Variants in RPS6KA6 observed in about 807,000 individuals in gnomAD.
RPS6KA6 encodes ribosomal protein S6 kinase alpha-6.
A neutral mutation model predicts 65.4 loss-of-function variants in RPS6KA6; 27 were observed. The ratio of observed to expected loss-of-function variants is 0.41; its 90% CI spans 0.30 to 0.57. The LOEUF is 0.57. Among genes scored for constraint, RPS6KA6 ranks in the 20% least tolerant of loss-of-function variants. The pLI is 0.24. For missense variants in RPS6KA6, 486 were observed against 555.6 expected (o/e 0.87, Z 1.26); for synonymous variants, 190 against 184.2 (o/e 1.03, Z -0.26).
In RPS6KA6 at chrX:84,106,957, ATTC is replaced by A. The variant is rs759696875; in HGVS notation, c.1192_1194del (p.Glu398del). The A allele has an allele frequency of 9.0e-5, 108 of 1,193,447 alleles. No individual in the cohort carries two copies. Among genetic ancestry groups the A allele is most frequent in the Non-Finnish European group, 1.2e-4 (104 of 882,048 alleles). ...GCACTTGTGATAGGAGTGATTTTAT[ATTC>A]TTCTGCAATAGAAGTTGCAACAAAG... On this transcript the variant is annotated inframe_deletion, in exon 14 of 22. Transcript: ENST00000262752.
At chrX:84,065,245 A>C in intron 20 of RPS6KA6, 134 bp from the exon 21 acceptor site, 1 of 407,736 alleles carries the variant, frequency 2.5e-6, no homozygotes, top group Non-Finnish European at 4.2e-6. Flanking sequence ...AGTAAAATCT[A>C]TACTCTACAC....
At chrX:84,165,515 G>C (rs1270489886) in intron 1 of RPS6KA6, among the ~76,000 whole-genome samples, 1 of 111,344 alleles carries the variant, frequency 9.0e-6, no homozygotes, top group Non-Finnish European at 1.9e-5. Context: ...GAGCAGAGGA[G>C]AGAATGAGTC....
At chrX:84,133,068 C>T (rs1252097993) in intron 8 of RPS6KA6, among the ~76,000 whole-genome samples, 5 of 112,120 alleles carry the variant, frequency 4.5e-5, no homozygotes, top group Non-Finnish European at 7.5e-5. Flanking sequence ...TAAAAGAACT[C>T]TTAAACCCAT....
rs1240585096 is a variant in RPS6KA6, at chrX:84,107,335, A to G, written c.1111+288T>C. Among the ~76,000 whole-genome samples the G allele has an allele frequency of 9.0e-5, 10 of 111,420 alleles. No individual in the cohort carries two copies. The Admixed American group carries it at 9.6e-4, about 11-fold the overall frequency. On this transcript the variant is annotated intron_variant, in intron 13 of 21. Transcript: ENST00000262752. The stretch of plus-strand genomic sequence containing the variant: ...GACAGAGTAATATATCTCACGTCTT[A>G]CCTCCTACCCCATCCTGTAAATCAT...
intron 1 of RPS6KA6, among the ~76,000 whole-genome samples, chrX:84,179,637 A>AATT (rs1476371582): frequency 1.3e-4 from 14 of 111,931 alleles, no homozygotes; most frequent in Non-Finnish European, 2.3e-4. Context: ...GACCTCCCTT[A>AATT]AGAGATTCTA....
intron 1 of RPS6KA6, among the ~76,000 whole-genome samples, chrX:84,175,995 T>A (rs1288238900): frequency 8.9e-6 from 1 of 112,056 alleles, no homozygotes; most frequent in Non-Finnish European, 1.9e-5. Context: ...AAAGGACTAG[T>A]AGTTGTACTA....
chrX:84,061,867 A>T lies in RPS6KA6; in HGVS notation c.*2410T>A, dbSNP rs2033307012. 9.0e-6 allele frequency: 1 copy of T among 111,728 alleles called. No individual in the cohort carries two copies. The highest frequency in any genetic ancestry group is 9.5e-5 in the Admixed American group (1 of 10,541). The allele number at this position is 111,728 out of a possible 1,213,427, so 9.2% of individuals were successfully genotyped here. A position where few individuals can be genotyped will look rare whatever the true frequency, so the allele number is the denominator to read the frequency against. On this transcript the variant is annotated 3_prime_UTR_variant, in exon 22 of 22. Coordinates refer to ENST00000262752, the MANE Select transcript of RPS6KA6 (RefSeq NM_014496.5). The stretch of plus-strand genomic sequence containing the variant: ...TAGAAGTCCCATCAAAAAAATGTTC[A>T]ATCCAAATCTGCATTTTTGGCTATG...
At chrX:84,116,921 TTGTC>T (rs2147464932) in intron 11 of RPS6KA6, 135 bp downstream of exon 11, 3 of 399,450 alleles carry the variant, frequency 7.5e-6, no homozygotes, top group Non-Finnish European at 1.3e-5. Context: ...AGAGTTTACT[TTGTC>T]TGAAATGCAC....
At chrX:84,143,368 G>C (rs906023151) in intron 6 of RPS6KA6, among the ~76,000 whole-genome samples, 1 of 110,842 alleles carries the variant, frequency 9.0e-6, no homozygotes, top group African/African-American at 3.3e-5. Context: ...TAGACTGTGG[G>C]AAACAAGCTC....
At chrX:84,077,554 AT>A (rs2033687889) in intron 20 of RPS6KA6, among the ~76,000 whole-genome samples, 1 of 111,940 alleles carries the variant, frequency 8.9e-6, no homozygotes, top group Non-Finnish European at 1.9e-5. Context: ...GCATATTCAC[AT>A]GTAAAAATGA....
chrX:84,078,223 A>G (rs751030477), intron 20 of RPS6KA6, among the ~76,000 whole-genome samples: 1 of 112,414 alleles, frequency 8.9e-6, no homozygotes, highest in Non-Finnish European at 1.9e-5. Context: ...ATTAGTCACT[A>G]GGGAAATGCG....
At position 84,060,523 on chromosome X, in the gene RPS6KA6, G is replaced by A. The variant is rs1262646910; in HGVS notation, c.*3754C>T. The A allele has an allele frequency of 2.8e-5, 3 of 108,735 alleles. No individual in the cohort carries two copies. Among genetic ancestry groups the A allele is most frequent in the African/African-American group, 1.0e-4 (3 of 29,833 alleles). 9.0% of individuals were successfully genotyped at this position (108,735 alleles called of 1,213,427 possible). A position where few individuals can be genotyped will look rare whatever the true frequency, so the allele number is the denominator to read the frequency against. Reference sequence around the variant, plus strand: ...TCTTATGCTATATAGGTCATGTACTGTGAGAAACAAGAATACAAAACTATG... The same window carrying A: ...TCTTATGCTATATAGGTCATGTACTATGAGAAACAAGAATACAAAACTATG... On this transcript the variant is annotated 3_prime_UTR_variant, in exon 22 of 22. Coordinates refer to ENST00000262752, the MANE Select transcript of RPS6KA6 (RefSeq NM_014496.5).
rs767656624 is a variant in RPS6KA6 at position 84,144,909 on chromosome X, C to CA, written c.501+568dup. 1.5e-3 allele frequency among the ~76,000 whole-genome samples: 168 copies of CA among 109,418 alleles called. 1 individual carries two copies. Among genetic ancestry groups the CA allele is most frequent in the African/African-American group, 5.0e-3 (153 of 30,315 alleles). On this transcript the variant is annotated intron_variant, in intron 6 of 21. Transcript: ENST00000262752. ...CTCAAAGTACTTATGTTAAGCCAGA[C>CA]AAAAAAAATGAATATACTATATGAT...
At chrX:84,177,113 T>C (rs1247936021) in intron 1 of RPS6KA6, among the ~76,000 whole-genome samples, 1 of 111,473 alleles carries the variant, frequency 9.0e-6, no homozygotes, top group Non-Finnish European at 1.9e-5. Context: ...ATAAAATGTT[T>C]CAAAATTCAA....
At chrX:84,137,305 A>G (rs1480268466) in intron 6 of RPS6KA6, among the ~76,000 whole-genome samples, 1 of 111,790 alleles carries the variant, frequency 8.9e-6, no homozygotes, top group African/African-American at 3.2e-5. Context: ...ATAGTTTTCA[A>G]TAGCTGCACA....
chrX:84,100,776 T>G (rs2034244492), intron 18 of RPS6KA6, among the ~76,000 whole-genome samples: 1 of 110,949 alleles, frequency 9.0e-6, no homozygotes, highest in African/African-American at 3.3e-5. Context: ...AACTTGTACA[T>G]TATTTTATGA....
intron 20 of RPS6KA6, 23 bp from the exon 21 acceptor site, chrX:84,065,134 G>GTA (rs752171329): frequency 2.7e-4 from 286 of 1,059,859 alleles, no homozygotes; most frequent in Middle Eastern, 5.1e-4. Flanking sequence ...AAATGTGTGT[G>GTA]TATATATATA....
Position 84,110,799 on chromosome X carries a change from T to C in RPS6KA6, c.1009-3074A>G, listed in dbSNP as rs147399241. Among the ~76,000 whole-genome samples, 468 of 110,990 alleles carry C rather than the reference T, an allele frequency of 4.2e-3. 4 individuals carry two copies. The highest frequency in any genetic ancestry group is 0.015 in the African/African-American group (446 of 30,534). On this transcript the variant is annotated intron_variant, in intron 12 of 21. Coordinates refer to ENST00000262752, the MANE Select transcript of RPS6KA6 (RefSeq NM_014496.5). ...ACTTCAGGACTACGAAGAAAAAGAA[T>C]GTAATGACATCCCCAAAACGTCACA...
In RPS6KA6 at chrX:84,105,299, C is replaced by A. The variant is rs959594481; in HGVS notation, c.1455+488G>T. Among the ~76,000 whole-genome samples the A allele has an allele frequency of 2.7e-5, 3 of 111,168 alleles. No homozygotes were observed. In the East Asian group the frequency reaches 8.4e-4, roughly 31 times the overall value. Reference sequence around the variant, plus strand: ...TTGTATAAAGAGAAAAGAACATTATCTCCTTATGTGAAAAGTGAGCATTCA... The same window carrying A: ...TTGTATAAAGAGAAAAGAACATTATATCCTTATGTGAAAAGTGAGCATTCA... On this transcript the variant is annotated intron_variant, in intron 16 of 21. Transcript: ENST00000262752.
Sources: gnomAD v4.1 joint callset for allele counts (sites outside exome capture counted in the v4.1 genomes callset) on GRCh38, gnomAD v4.1.1 for gene constraint, MANE v1.5 for transcripts, NCBI Gene and HGNC (gene_info 2026-07-23, HGNC 2026-07-21) for gene names.